The following C1QTNF7 variants were observed in gnomAD, a reference collection of about 807,000 sequenced individuals.
C1QTNF7 encodes C1q and TNF related 7, also known as complement C1q tumor necrosis factor-related protein 7.
In C1QTNF7, 15 loss-of-function variants were observed where a neutral mutation model predicts 19.6. The observed-to-expected ratio is 0.76, with a 90% CI of 0.51 to 1.18. The LOEUF (loss-of-function observed/expected upper bound fraction) is 1.18, where lower values mean the gene tolerates loss of function less well. Among genes scored for constraint, C1QTNF7 ranks in the 50% most tolerant of loss-of-function variants. The pLI, the probability that C1QTNF7 is intolerant of heterozygous loss-of-function variation, is 0.00. For missense variants in C1QTNF7, 324 were observed against 359.7 expected, an observed-to-expected ratio of 0.90 and a Z score of 0.80; for synonymous variants, 142 against 137.5, an observed-to-expected ratio of 1.03 and a Z score of -0.23.
intron 1 of C1QTNF7, among the ~76,000 whole-genome samples, chr4:15,364,726 C>T (rs551491884): frequency 2.0e-5 from 3 of 152,164 alleles, no homozygotes; most frequent in South Asian, 2.1e-4. Flanking sequence ...GGAACACCAC[C>T]GTGGAGAAAA....
intron 1 of C1QTNF7, among the ~76,000 whole-genome samples, chr4:15,403,292 C>T (rs1230614139): frequency 6.6e-6 from 1 of 152,184 alleles, no homozygotes; most frequent in African/African-American, 2.4e-5. Context: ...CATCCTCTTA[C>T]TCTAGTAATG....
chr4:15,424,389 A>G (rs745714148), upstream of C1QTNF7, among the ~76,000 whole-genome samples: 5 of 152,180 alleles, frequency 3.3e-5, no homozygotes, highest in Non-Finnish European at 4.4e-5. Context: ...TGCTACTTGT[A>G]TGATCCTCTC....
In C1QTNF7 at chr4:15,401,605, T is replaced by C. The variant is rs368933976; in HGVS notation, c.14-34131T>C. On this transcript the variant is annotated intron_variant, in intron 1 of 2. Coordinates refer to the C1QTNF7 transcript ENST00000295297. ...GATACAAAATTACATACATCATAAA[T>C]GATCCACCACCAGAGAACACAGAGA... Among the ~76,000 whole-genome samples the C allele has an allele frequency of 4.6e-5, 7 of 152,296 alleles. No individual in the cohort carries two copies. The East Asian group carries it at 1.2e-3, about 25-fold the overall frequency.
chr4:15,374,443 G>C, intron 1 of C1QTNF7: 1 of 482,204 alleles, frequency 2.1e-6, no homozygotes, highest in Non-Finnish European at 2.7e-6. Context: ...ATATGATTTG[G>C]GGAGCGAGCC....
At chr4:15,406,006 C>A (rs1000422997) in intron 1 of C1QTNF7, among the ~76,000 whole-genome samples, 2 of 152,306 alleles carry the variant, frequency 1.3e-5, no homozygotes, top group African/African-American at 4.8e-5. Context: ...CAAAGGCTGC[C>A]TCCTCAAAGA....
intron 1 of C1QTNF7, among the ~76,000 whole-genome samples, chr4:15,396,799 C>T (rs1232558190): frequency 6.6e-6 from 1 of 152,082 alleles, no homozygotes; most frequent in Non-Finnish European, 1.5e-5. Flanking sequence ...ATCACCAGCC[C>T]TTCTTGGCAG....
chr4:15,403,198 C>A (rs569114035), intron 1 of C1QTNF7, among the ~76,000 whole-genome samples: 8 of 152,148 alleles, frequency 5.3e-5, no homozygotes, highest in Non-Finnish European at 1.0e-4. Context: ...GCCCAGGCAG[C>A]GCAGCCCTTC....
upstream of C1QTNF7, among the ~76,000 whole-genome samples, chr4:15,425,475 T>C (rs951633007): frequency 2.6e-5 from 4 of 152,108 alleles, no homozygotes; most frequent in African/African-American, 4.8e-5. Context: ...CTGGAGATGA[T>C]ATAAGCAAGG....
intron 1 of C1QTNF7, chr4:15,381,625 A>G (rs1255532280): frequency 6.6e-6 from 1 of 152,164 alleles, no homozygotes; most frequent in Non-Finnish European, 1.5e-5. Flanking sequence ...AATAAGAGCA[A>G]TAGTAGCTAC....
chr4:15,355,499 G>A (rs1301662599), intron 1 of C1QTNF7, among the ~76,000 whole-genome samples: 1 of 152,060 alleles, frequency 6.6e-6, no homozygotes, highest in Non-Finnish European at 1.5e-5. Flanking sequence ...TATTGAGATC[G>A]TGCACGGTGA....
chr4:15,442,105 G>GTA, intron 2 of C1QTNF7, 63 bp from the exon 3 acceptor site: 1 of 1,509,604 alleles, frequency 6.6e-7, no homozygotes, highest in Non-Finnish European at 8.9e-7. Flanking sequence ...GACCATGTAG[G>GTA]TATATTGTTT....
intron 1 of C1QTNF7, among the ~76,000 whole-genome samples, chr4:15,356,908 C>A (rs1433746940): frequency 6.8e-6 from 1 of 146,706 alleles, no homozygotes; most frequent in Non-Finnish European, 1.5e-5. Context: ...TGAGAAGTGT[C>A]TGTTCATATC....
intron 1 of C1QTNF7, among the ~76,000 whole-genome samples, chr4:15,402,083 T>C (rs1463110254): frequency 2.0e-5 from 3 of 152,196 alleles, no homozygotes; most frequent in Non-Finnish European, 4.4e-5. Flanking sequence ...ATTGGTAACA[T>C]CAAGATATGG....
chr4:15,384,989 G>A (rs1718279061), intron 1 of C1QTNF7, among the ~76,000 whole-genome samples: 1 of 152,232 alleles, frequency 6.6e-6, no homozygotes, highest in Admixed American at 6.5e-5. Flanking sequence ...GCATTCTCTT[G>A]TGAGAACAAG....
chr4:15,367,138 A>G (rs1717555397), intron 1 of C1QTNF7, among the ~76,000 whole-genome samples: 1 of 152,204 alleles, frequency 6.6e-6, no homozygotes. Flanking sequence ...CTTTGAAGCT[A>G]GGCCTGCATT....
intron 1 of C1QTNF7, among the ~76,000 whole-genome samples, chr4:15,351,515 A>T (rs1312117692): frequency 6.6e-6 from 1 of 152,210 alleles, no homozygotes; most frequent in Non-Finnish European, 1.5e-5. Context: ...AATATTACAT[A>T]AATAAAGGAG....
intron 1 of C1QTNF7, among the ~76,000 whole-genome samples, chr4:15,432,883 G>C (rs1244411505): frequency 1.3e-5 from 2 of 152,156 alleles, no homozygotes; most frequent in Non-Finnish European, 2.9e-5. Flanking sequence ...TATTCCTTGA[G>C]TTCCTTTTTG....
intron 1 of C1QTNF7, among the ~76,000 whole-genome samples, chr4:15,355,940 C>T (rs2109293659): frequency 6.6e-6 from 1 of 152,204 alleles, no homozygotes; most frequent in East Asian, 1.9e-4. Context: ...TCACTGCAGC[C>T]TCTAACTCCT....
intron 1 of C1QTNF7, among the ~76,000 whole-genome samples, chr4:15,341,875 A>G (rs543532163): frequency 6.6e-6 from 1 of 152,220 alleles, no homozygotes; most frequent in African/African-American, 2.4e-5. Flanking sequence ...AGAGAAATGC[A>G]CAGTGTGGCA....
Sources: gnomAD v4.1 joint callset for allele counts (sites outside exome capture counted in the v4.1 genomes callset) on GRCh38, gnomAD v4.1.1 for gene constraint, MANE v1.5 for transcripts, NCBI Gene and HGNC (gene_info 2026-07-23, HGNC 2026-07-21) for gene names.